The following CCSER1 variants were observed in gnomAD, a reference collection of about 807,000 sequenced individuals.
CCSER1 encodes coiled-coil serine rich protein 1.
In CCSER1, 41 loss-of-function variants were observed where a neutral mutation model predicts 82.0. That is an observed-to-expected ratio of 0.50 (90% CI 0.39 to 0.65). The LOEUF (loss-of-function observed/expected upper bound fraction) is 0.65. Ranked by LOEUF, CCSER1 falls within the 30% of genes least tolerant of loss-of-function variation. The pLI, the probability that CCSER1 is intolerant of heterozygous loss-of-function variation, is 0.00. For synonymous variants in CCSER1, 414 were observed against 383.9 expected (o/e 1.08, Z -0.92); for missense variants, 1,119 against 1,064.2 (o/e 1.05, Z -0.72).
intron 5 of CCSER1, among the ~76,000 whole-genome samples, chr4:90,617,246 G>C (rs1721461062): frequency 6.6e-6 from 1 of 151,726 alleles, no homozygotes; most frequent in East Asian, 1.9e-4. Flanking sequence ...TTTTTTTTCT[G>C]TTATCCTTTC....
At chr4:91,543,472 C>A (rs1182697385) in intron 10 of CCSER1, among the ~76,000 whole-genome samples, 2 of 152,156 alleles carry the variant, frequency 1.3e-5, no homozygotes, top group Non-Finnish European at 2.9e-5. Context: ...GTGCTTCCTT[C>A]AGGAGCTCTT....
chr4:91,488,954 CA>C (rs1758366172), intron 10 of CCSER1, among the ~76,000 whole-genome samples: 1 of 151,890 alleles, frequency 6.6e-6, no homozygotes, highest in Non-Finnish European at 1.5e-5. Flanking sequence ...TTTCAAGCAT[CA>C]AAAAACACAA....
At chr4:91,527,405 A>G (rs184371159) in intron 10 of CCSER1, among the ~76,000 whole-genome samples, 2 of 152,320 alleles carry the variant, frequency 1.3e-5, no homozygotes, top group Admixed American at 1.3e-4. Context: ...ATATGATCAC[A>G]TCTGTATTTG....
At chr4:91,270,587 T>A (rs953293924) in intron 10 of CCSER1, among the ~76,000 whole-genome samples, 5 of 152,164 alleles carry the variant, frequency 3.3e-5, no homozygotes, top group African/African-American at 1.2e-4. Flanking sequence ...ACAATACTCA[T>A]AATTCACAAA....
At chr4:90,194,462 C>G (rs993367024) in intron 1 of CCSER1, among the ~76,000 whole-genome samples, 22 of 151,960 alleles carry the variant, frequency 1.4e-4, no homozygotes, top group Non-Finnish European at 2.9e-4. Context: ...TGCCATACTT[C>G]AGTGATGATA....
chr4:90,941,267 G>T (rs768085791), intron 9 of CCSER1, among the ~76,000 whole-genome samples: 35 of 152,084 alleles, frequency 2.3e-4, no homozygotes, highest in Non-Finnish European at 4.3e-4. Context: ...AATTTAATTT[G>T]AATCACCAAG....
chr4:91,191,668 A>C (rs896519519), intron 10 of CCSER1, among the ~76,000 whole-genome samples: 1 of 152,174 alleles, frequency 6.6e-6, no homozygotes, highest in African/African-American at 2.4e-5. Context: ...AGGGAAATTC[A>C]GGGGCAGCTG....
intron 8 of CCSER1, among the ~76,000 whole-genome samples, chr4:90,858,118 G>C (rs2149970022): frequency 6.6e-6 from 1 of 152,148 alleles, no homozygotes; most frequent in South Asian, 2.1e-4. Flanking sequence ...GGAATGTTAA[G>C]ATTGAGCCCC....
chr4:91,379,361 G>T (rs965466223), intron 10 of CCSER1, among the ~76,000 whole-genome samples: 6 of 152,126 alleles, frequency 3.9e-5, no homozygotes, highest in African/African-American at 1.2e-4. Flanking sequence ...GTAGAATTCG[G>T]CTGTGAATCC....
At chr4:90,772,929 T>C (rs1011039216) in intron 7 of CCSER1, among the ~76,000 whole-genome samples, 2 of 151,942 alleles carry the variant, frequency 1.3e-5, no homozygotes, top group African/African-American at 4.8e-5. Flanking sequence ...CCAAAAAGAG[T>C]AAAGAGCAAT....
At chr4:91,531,749 A>G (rs1379573742) in intron 10 of CCSER1, among the ~76,000 whole-genome samples, 1 of 152,172 alleles carries the variant, frequency 6.6e-6, no homozygotes, top group East Asian at 1.9e-4. Flanking sequence ...GCATTCTCAC[A>G]TGGCAGAAGA....
At chr4:91,163,530 G>T (rs1476168236) in intron 10 of CCSER1, among the ~76,000 whole-genome samples, 5 of 152,188 alleles carry the variant, frequency 3.3e-5, no homozygotes, top group Non-Finnish European at 7.3e-5. Flanking sequence ...TGACAGTGGG[G>T]TGTTAAAGTT....
intron 10 of CCSER1, among the ~76,000 whole-genome samples, chr4:91,162,020 A>G (rs1474884033): frequency 6.6e-6 from 1 of 152,202 alleles, no homozygotes; most frequent in African/African-American, 2.4e-5. Context: ...CCAGATTTCA[A>G]AGGGAATGCT....
At chr4:90,879,789 G>A (rs937660517) in intron 8 of CCSER1, among the ~76,000 whole-genome samples, 2 of 152,146 alleles carry the variant, frequency 1.3e-5, no homozygotes, top group Non-Finnish European at 2.9e-5. Flanking sequence ...AGTTATTGGA[G>A]TTCTTGCATG....
intron 10 of CCSER1, among the ~76,000 whole-genome samples, chr4:91,402,331 C>T (rs925750677): frequency 6.6e-6 from 1 of 151,996 alleles, no homozygotes. Context: ...AAATTTTCTC[C>T]CATTCTGTAG....
chr4:91,428,658 C>T (rs1214797988), intron 10 of CCSER1, among the ~76,000 whole-genome samples: 8 of 151,908 alleles, frequency 5.3e-5, no homozygotes, highest in Admixed American at 5.2e-4. Context: ...CTTTCATGCC[C>T]TGTGTGTAAT....
At chr4:91,165,581 C>T (rs1731956160) in intron 10 of CCSER1, among the ~76,000 whole-genome samples, 1 of 152,196 alleles carries the variant, frequency 6.6e-6, no homozygotes. Context: ...GAGGTGGGCT[C>T]CATCCAGTGT....
At chr4:90,727,852 C>G (rs1466460277) in intron 7 of CCSER1, among the ~76,000 whole-genome samples, 1 of 152,052 alleles carries the variant, frequency 6.6e-6, no homozygotes, top group African/African-American at 2.4e-5. Context: ...TCTTTTCCTA[C>G]TTAAGTAATA....
At chr4:91,366,107 C>T (rs1335677337) in intron 10 of CCSER1, among the ~76,000 whole-genome samples, 4 of 152,154 alleles carry the variant, frequency 2.6e-5, no homozygotes, top group African/African-American at 7.2e-5. Context: ...CAACCTCCGC[C>T]TCCCAGGTTC....
Sources: gnomAD v4.1 joint callset for allele counts (sites outside exome capture counted in the v4.1 genomes callset) on GRCh38, gnomAD v4.1.1 for gene constraint, MANE v1.5 for transcripts, NCBI Gene and HGNC (gene_info 2026-07-23, HGNC 2026-07-21) for gene names.